Variants in SCAPER observed in about 807,000 individuals in gnomAD.
The protein encoded by SCAPER is S-phase cyclin A associated protein in the ER.
Under a neutral mutation model 182.2 loss-of-function variants are expected in SCAPER, and 98 were observed. That is an observed-to-expected ratio of 0.54 (90% CI 0.46 to 0.64). SCAPER has a LOEUF of 0.64. Among genes scored for constraint, SCAPER ranks in the 30% least tolerant of loss-of-function variants. The probability of loss-of-function intolerance (pLI) is 0.00; values close to 1 mark genes in which losing one functional copy is unlikely to be tolerated. For synonymous variants in SCAPER, 605 were observed against 564.6 expected, an observed-to-expected ratio of 1.07 and a Z score of -1.01; for missense variants, 1,432 against 1,690.0, an observed-to-expected ratio of 0.85 and a Z score of 2.68.
At chr15:76,553,394 C>A (rs1200721522) in intron 23 of SCAPER, among the ~76,000 whole-genome samples, 1 of 152,164 alleles carries the variant, frequency 6.6e-6, no homozygotes, top group East Asian at 1.9e-4. Context: ...ACGTGGACAC[C>A]CCGCAGTGTC....
At chr15:76,636,556 G>T (rs1320889733) in intron 21 of SCAPER, among the ~76,000 whole-genome samples, 1 of 152,014 alleles carries the variant, frequency 6.6e-6, no homozygotes, top group Non-Finnish European at 1.5e-5. Flanking sequence ...GTCCTTCAGG[G>T]AGCCATCAGA....
chr15:76,350,282 T>C (rs1044470949), intron 31 of SCAPER: 1 of 152,166 alleles, frequency 6.6e-6, no homozygotes, highest in African/African-American at 2.4e-5. Flanking sequence ...AAAACGTCTT[T>C]TTTTTTTCTT....
intron 10 of SCAPER, among the ~76,000 whole-genome samples, chr15:76,768,732 C>T (rs964431699): frequency 6.6e-5 from 10 of 151,870 alleles, no homozygotes; most frequent in African/African-American, 2.4e-4. Context: ...TTCAGTACCC[C>T]TCTTTCAACT....
At chr15:76,698,144 G>A (rs1001374614) in intron 20 of SCAPER, among the ~76,000 whole-genome samples, 10 of 151,696 alleles carry the variant, frequency 6.6e-5, no homozygotes, top group South Asian at 2.1e-4. Flanking sequence ...CTACTCATAC[G>A]ATTTGAGTAA....
chr15:76,831,692 C>A (rs1190517274), intron 5 of SCAPER, among the ~76,000 whole-genome samples: 4 of 152,142 alleles, frequency 2.6e-5, no homozygotes, highest in African/African-American at 9.7e-5. Flanking sequence ...TCTCCCATGA[C>A]CCCTTCCATC....
At chr15:76,598,505 T>C (rs2145759118) in intron 22 of SCAPER, among the ~76,000 whole-genome samples, 1 of 122,084 alleles carries the variant, frequency 8.2e-6, no homozygotes, top group African/African-American at 2.5e-5. Context: ...TGCACACGTA[T>C]GTTTATTGCA....
intron 5 of SCAPER, among the ~76,000 whole-genome samples, chr15:76,836,972 T>C (rs1390988340): frequency 1.3e-5 from 2 of 152,154 alleles, no homozygotes; most frequent in Admixed American, 1.3e-4. Context: ...ATATATGTCT[T>C]GGCAACAATT....
Position 76,765,300 on chromosome 15 carries a change from C to T in SCAPER, c.1613+37G>A, listed in dbSNP as rs1474775224. On this transcript the variant is annotated intron_variant, in intron 13 of 31. Coordinates refer to ENST00000563290, the MANE Select transcript of SCAPER (RefSeq NM_020843.4). ...CAGTCAAGAGTGGCTAGTTTCCTTG[C>T]TGTGAACCATTTCAAATTAATTTTC... is the stretch of plus-strand genomic sequence containing the variant. The T allele has an allele frequency of 4.6e-6, 7 of 1,527,366 alleles. No homozygotes were observed. In the Admixed American group the frequency reaches 8.7e-5, roughly 19 times the overall value. The allele number at this position is 1,527,366 out of a possible 1,614,324, so 94.6% of individuals were successfully genotyped here. A position where few individuals can be genotyped will look rare whatever the true frequency, so the allele number is the denominator to read the frequency against.
At chr15:76,757,482 A>AAATATATACCAT (rs2062517148) in intron 14 of SCAPER, among the ~76,000 whole-genome samples, 1 of 150,628 alleles carries the variant, frequency 6.6e-6, no homozygotes, top group African/African-American at 2.4e-5. Context: ...ACACACACTC[A>AAATATATACCAT]AATATATACC....
chr15:76,853,293 A>T (rs908732306), intron 4 of SCAPER, among the ~76,000 whole-genome samples: 2 of 152,192 alleles, frequency 1.3e-5, no homozygotes, highest in African/African-American at 4.8e-5. Context: ...ATTCCAAAAA[A>T]TTGAGGAGAA....
chr15:76,904,208 C>T (rs2074947010), intron 1 of SCAPER, among the ~76,000 whole-genome samples: 2 of 152,152 alleles, frequency 1.3e-5, no homozygotes, highest in Non-Finnish European at 2.9e-5. Context: ...AGATTTACCA[C>T]TCACCAGCTG....
In SCAPER at chr15:76,452,088, C is replaced by T. The variant is rs114244723; in HGVS notation, c.3079-17778G>A. Among the ~76,000 whole-genome samples, 547 of 152,162 alleles carry T rather than the reference C, an allele frequency of 3.6e-3. 5 individuals carry two copies. Among genetic ancestry groups the T allele is most frequent in the African/African-American group, 0.013 (535 of 41,496 alleles). ...TGTCTTCCTTTTAGTCCCACTATTCCATTTTCTCTCATCTCTCTGCTTTCT... is the reference window on the plus strand; with the variant it reads ...TGTCTTCCTTTTAGTCCCACTATTCTATTTTCTCTCATCTCTCTGCTTTCT... On this transcript the variant is annotated intron_variant, in intron 25 of 31. Coordinates refer to ENST00000563290, the MANE Select transcript of SCAPER (RefSeq NM_020843.4).
At chr15:76,800,570 G>A (rs532214455) in intron 6 of SCAPER, among the ~76,000 whole-genome samples, 18 of 152,252 alleles carry the variant, frequency 1.2e-4, no homozygotes, top group African/African-American at 2.9e-4. Flanking sequence ...GTTGATAAAC[G>A]GTTCAGGATT....
intron 21 of SCAPER, among the ~76,000 whole-genome samples, chr15:76,664,594 A>G (rs1166149685): frequency 2.0e-5 from 3 of 152,134 alleles, no homozygotes; most frequent in African/African-American, 7.2e-5. Context: ...TAGCCGCAGA[A>G]CCAGGGAGCT....
chr15:76,662,976 A>T (rs886682595), intron 21 of SCAPER, among the ~76,000 whole-genome samples: 13 of 152,142 alleles, frequency 8.5e-5, no homozygotes, highest in Non-Finnish European at 1.6e-4. Context: ...TCATTAAAAT[A>T]AAAAAAATTT....
intron 24 of SCAPER, among the ~76,000 whole-genome samples, chr15:76,488,602 T>A (rs1172913889): frequency 6.6e-6 from 1 of 151,986 alleles, no homozygotes; most frequent in Admixed American, 6.6e-5. Flanking sequence ...TCAACGTATC[T>A]GCAGTCATTT....
At chr15:76,894,276 C>G (rs1186542426) in intron 1 of SCAPER, among the ~76,000 whole-genome samples, 1 of 151,704 alleles carries the variant, frequency 6.6e-6, no homozygotes, top group African/African-American at 2.4e-5. Flanking sequence ...ACAGACAGAT[C>G]TCAGCCTCAC....
intron 26 of SCAPER, among the ~76,000 whole-genome samples, chr15:76,419,325 G>A (rs1421862713): frequency 3.0e-5 from 4 of 133,798 alleles, no homozygotes; most frequent in East Asian, 2.2e-4. Context: ...GTGAAACTCC[G>A]TCTCAAAAAG....
At chr15:76,762,921 T>C (rs1276890356) in intron 14 of SCAPER, among the ~76,000 whole-genome samples, 2 of 152,186 alleles carry the variant, frequency 1.3e-5, no homozygotes, top group Non-Finnish European at 2.9e-5. Flanking sequence ...CCTCCTAAAG[T>C]ACTGGGATTA....
Sources: allele counts gnomAD v4.1 joint callset (sites outside exome capture counted in the v4.1 genomes callset), GRCh38; gene constraint gnomAD v4.1.1; transcripts MANE v1.5; gene names NCBI Gene and HGNC (gene_info 2026-07-23, HGNC 2026-07-21).